The following HYAL4 variants were observed in gnomAD, a reference collection of about 807,000 sequenced individuals.
HYAL4 encodes hyaluronidase-4.
In HYAL4, 37 loss-of-function variants were observed where a neutral mutation model predicts 35.2. That is an observed-to-expected ratio of 1.05 (90% CI 0.81 to 1.38). HYAL4 has a LOEUF of 1.38. Among genes scored for constraint, HYAL4 ranks in the 40% most tolerant of loss-of-function variants. HYAL4 has a pLI of 0.00. For missense variants in HYAL4, 572 were observed against 572.4 expected (o/e 1.00, Z 0.01); for synonymous variants, 198 against 203.2 (o/e 0.97, Z 0.22).
the HYAL4 span, among the ~76,000 whole-genome samples, chr7:123,803,356 C>T: frequency 3.3e-5 from 5 of 152,178 alleles, no homozygotes; most frequent in South Asian, 6.2e-4. Context: ...AAGAATGCCG[C>T]CTTCACTAGA....
chr7:123,837,717 C>T (rs1262936937), intron 1 of HYAL4, among the ~76,000 whole-genome samples: 1 of 141,352 alleles, frequency 7.1e-6, no homozygotes, highest in Non-Finnish European at 1.5e-5. Flanking sequence ...TGATGTTCCC[C>T]TTCCTGTGTT....
chr7:123,814,711 C>T, the HYAL4 span: 19 of 152,624 alleles, frequency 1.2e-4, no homozygotes, highest in African/African-American at 4.6e-4. Context: ...ACATTACTCT[C>T]ACATTGGCTT....
intron 1 of HYAL4, among the ~76,000 whole-genome samples, chr7:123,831,745 C>T (rs964750943): frequency 2.6e-5 from 4 of 152,198 alleles, no homozygotes; most frequent in Middle Eastern, 6.8e-3. Context: ...GTTTGTTGGG[C>T]ATATTTACTC....
the HYAL4 span, among the ~76,000 whole-genome samples, chr7:123,810,841 C>A: frequency 6.6e-6 from 1 of 152,216 alleles, no homozygotes; most frequent in Non-Finnish European, 1.5e-5. Context: ...CTCTCCCCAA[C>A]CCTTGGCAAC....
At chr7:123,815,606 A>C in the HYAL4 span, among the ~76,000 whole-genome samples, 1 of 152,208 alleles carries the variant, frequency 6.6e-6, no homozygotes. Context: ...TAGACTGAAC[A>C]CAAAGCTGGA....
At chr7:123,855,725 C>T (rs767719409) in intron 2 of HYAL4, among the ~76,000 whole-genome samples, 39 of 151,960 alleles carry the variant, frequency 2.6e-4, no homozygotes, top group Non-Finnish European at 5.0e-4. Flanking sequence ...TCTGTATTTC[C>T]TGAATTTGAA....
chr7:123,821,169 T>G, the HYAL4 span, among the ~76,000 whole-genome samples: 1 of 152,236 alleles, frequency 6.6e-6, no homozygotes, highest in Non-Finnish European at 1.5e-5. Context: ...TCCAGAAGTA[T>G]ATATGCATTT....
chr7:123,786,740 A>ATCTATCTATCTG, the HYAL4 span, among the ~76,000 whole-genome samples: 1 of 151,678 alleles, frequency 6.6e-6, no homozygotes, highest in African/African-American at 2.4e-5. Context: ...CTATCTATCT[A>ATCTATCTATCTG]TCTATCTATC....
the HYAL4 span, among the ~76,000 whole-genome samples, chr7:123,819,731 C>G: frequency 6.6e-6 from 1 of 151,916 alleles, no homozygotes; most frequent in Non-Finnish European, 1.5e-5. Context: ...GCTTCTCCAT[C>G]TAAAAAATTA....
intron 1 of HYAL4, among the ~76,000 whole-genome samples, chr7:123,833,472 G>C (rs1398442971): frequency 6.6e-6 from 1 of 152,052 alleles, no homozygotes. Context: ...GTAGATTCTG[G>C]ATATTAGTCC....
At chr7:123,768,149 T>C in the HYAL4 span, among the ~76,000 whole-genome samples, 2 of 152,132 alleles carry the variant, frequency 1.3e-5, no homozygotes, top group Non-Finnish European at 2.9e-5. Context: ...AAATAAGTAA[T>C]CTCATATTAG....
intron 2 of HYAL4, among the ~76,000 whole-genome samples, chr7:123,865,770 C>G (rs1481554022): frequency 1.3e-5 from 2 of 152,154 alleles, no homozygotes; most frequent in Non-Finnish European, 2.9e-5. Context: ...CTACAAGCCA[C>G]AAAAGCACCT....
Position 123,832,776 on chromosome 7 carries a change from C to T in HYAL4, c.-257+3652C>T, listed in dbSNP as rs370077842. Among the ~76,000 whole-genome samples the T allele has an allele frequency of 3.2e-4, 48 of 152,128 alleles. 2 individuals are homozygous for T. The highest frequency in any genetic ancestry group is 1.1e-3 in the African/African-American group (46 of 41,516). On this transcript the variant is annotated intron_variant, in intron 1 of 4. Coordinates refer to the HYAL4 transcript ENST00000489978. ...TCGGCCCCCCAGGCGTGAGCCACCGCGCCCAGCCTTTTGTGTCATTCTTAT... is the reference window on the plus strand; with the variant it reads ...TCGGCCCCCCAGGCGTGAGCCACCGTGCCCAGCCTTTTGTGTCATTCTTAT...
At chr7:123,764,412 T>G in the HYAL4 span, among the ~76,000 whole-genome samples, 1 of 152,248 alleles carries the variant, frequency 6.6e-6, no homozygotes, top group South Asian at 2.1e-4. Context: ...TTGAACTTAT[T>G]TGTACTTATC....
At chr7:123,834,040 T>C (rs1805924025) in intron 1 of HYAL4, among the ~76,000 whole-genome samples, 1 of 152,198 alleles carries the variant, frequency 6.6e-6, no homozygotes, top group Admixed American at 6.5e-5. Flanking sequence ...TTTGTTCTTT[T>C]TGCTTAGTCT....
intron 2 of HYAL4, among the ~76,000 whole-genome samples, chr7:123,866,759 C>A (rs78323835): frequency 0.024 from 3,577 of 151,598 alleles, 60 homozygotes; most frequent in South Asian, 0.035. Flanking sequence ...TTCTACTATC[C>A]AAACACCTAC....
At chr7:123,795,486 C>T in the HYAL4 span, among the ~76,000 whole-genome samples, 10 of 152,160 alleles carry the variant, frequency 6.6e-5, no homozygotes, top group Admixed American at 2.0e-4. Context: ...GGGAGGGTTC[C>T]GATGGGAGGT....
At chr7:123,840,241 G>A (rs572092224), upstream of HYAL4, among the ~76,000 whole-genome samples, 1 of 152,144 alleles carries the variant, frequency 6.6e-6, no homozygotes, top group African/African-American at 2.4e-5. Context: ...TATTAAATAG[G>A]GAATCCTTTC....
the HYAL4 span, among the ~76,000 whole-genome samples, chr7:123,772,428 T>G: frequency 6.6e-6 from 1 of 152,146 alleles, no homozygotes; most frequent in African/African-American, 2.4e-5. Flanking sequence ...CTGAGACATG[T>G]GACACTCTGG....
Sources: gnomAD v4.1 joint callset for allele counts (sites outside exome capture counted in the v4.1 genomes callset) on GRCh38, gnomAD v4.1.1 for gene constraint, MANE v1.5 for transcripts, NCBI Gene and HGNC (gene_info 2026-07-23, HGNC 2026-07-21) for gene names.